Variants in TRPM7 observed in about 807,000 individuals in gnomAD.
The protein encoded by TRPM7 is transient receptor potential cation channel subfamily M member 7, also known as LTRPC ion channel family member 7.
In TRPM7, 134 loss-of-function variants were observed where a neutral mutation model predicts 229.7. That is an observed-to-expected ratio of 0.58 (90% confidence interval 0.51 to 0.67). The LOEUF (loss-of-function observed/expected upper bound fraction) is 0.67. Ranked by LOEUF, TRPM7 falls within the 30% of genes least tolerant of loss-of-function variation. The probability of loss-of-function intolerance (pLI) is 0.00; values close to 1 mark genes in which losing one functional copy is unlikely to be tolerated. For missense variants in TRPM7, 1,901 were observed against 2,210.0 expected, an observed-to-expected ratio of 0.86 and a Z score of 2.80; for synonymous variants, 699 against 715.2, an observed-to-expected ratio of 0.98 and a Z score of 0.36.
chr15:50,612,932 A>T, intron 15 of TRPM7, 103 bp from the exon 16 acceptor site: 1 of 926,848 alleles, frequency 1.1e-6, no homozygotes, highest in Non-Finnish European at 1.6e-6. Context: ...TCAGCTCCAT[A>T]AAACTGCACA....
chr15:50,682,892 T>C, intron 1 of TRPM7, among the ~76,000 whole-genome samples: 1 of 149,486 alleles, frequency 6.7e-6, no homozygotes, highest in East Asian at 2.0e-4. Context: ...TGCTTCCCGG[T>C]ACCAAACTTT....
chr15:50,594,576 C>A lies in TRPM7; in HGVS notation c.3328G>T (p.Val1110Leu). The A allele has an allele frequency of 6.2e-7, 1 of 1,608,004 alleles. No individual in the cohort carries two copies. The highest frequency in any genetic ancestry group is 8.5e-7 in the Non-Finnish European group (1 of 1,177,878). The change falls in exon 24 of 39, where the codon GTA (valine) becomes TTA (leucine). Residue 1110 changes from valine (V) to leucine (L), a missense_variant. Physicochemically the swap from Val to Leu is conservative, Grantham distance 32 (BLOSUM62 1). Coordinates refer to ENST00000646667, the MANE Select transcript of TRPM7 (RefSeq NM_017672.6). Reference sequence around the variant, plus strand: ...AAATGATAACGCTGGTACTTCCATACAATATTGGAAATTGCCTTCACTTGT... The same window carrying A: ...AAATGATAACGCTGGTACTTCCATAAAATATTGGAAATTGCCTTCACTTGT... ...YLQVKAISNI[V>L]WKYQRYHFIM...
At chr15:50,617,652 C>T (rs533531661) in intron 13 of TRPM7, among the ~76,000 whole-genome samples, 4 of 151,950 alleles carry the variant, frequency 2.6e-5, no homozygotes, top group African/African-American at 4.8e-5. Flanking sequence ...ACATTTCTAA[C>T]GTCATTCTTT....
At chr15:50,635,780 C>T (rs928582305) in intron 7 of TRPM7, among the ~76,000 whole-genome samples, 1 of 150,534 alleles carries the variant, frequency 6.6e-6, no homozygotes, top group Non-Finnish European at 1.5e-5. Context: ...AGATCAAAAG[C>T]AGCCTGGCCA....
chr15:50,598,696 C>T (rs555979562), intron 22 of TRPM7, among the ~76,000 whole-genome samples: 1 of 152,306 alleles, frequency 6.6e-6, no homozygotes, highest in East Asian at 1.9e-4. Context: ...GGGACATTTT[C>T]CTCTAAAGAG....
chr15:50,577,630 T>C (rs1222712981), intron 31 of TRPM7, among the ~76,000 whole-genome samples: 1 of 152,134 alleles, frequency 6.6e-6, no homozygotes, highest in East Asian at 1.9e-4. Context: ...CAAACTGGTA[T>C]AACCACTCTG....
In TRPM7 at chr15:50,563,353, A is replaced by G. The variant is rs568376756; in HGVS notation, c.5468-1545T>C. On this transcript the variant is annotated intron_variant, in intron 38 of 38. Transcript: ENST00000646667. ...CTATGATGAGAAGTACAGATACAAT[A>G]CAAATCCACTGGAAGGTTTTAAGCA... Among the ~76,000 whole-genome samples, 15 of 152,358 alleles carry G rather than the reference A, an allele frequency of 9.8e-5. 1 individual carries two copies. In the South Asian group the frequency reaches 2.9e-3, roughly 29 times the overall value.
In TRPM7 at chr15:50,648,631, G is replaced by A. The variant is rs116339224; in HGVS notation, c.321+56C>T. On this transcript the variant is annotated intron_variant, in intron 4 of 38. Coordinates refer to ENST00000646667, the MANE Select transcript of TRPM7 (RefSeq NM_017672.6). ...TTGTCAATATTGCTACACAAATTGT[G>A]ATGTTTATTATTTAAATAACAACAT... The A allele has an allele frequency of 8.3e-4, 1,219 of 1,466,644 alleles. 9 individuals are homozygous for A. The African/African-American group carries it at 0.015, about 18-fold the overall frequency. The allele number at this position is 1,466,644 out of a possible 1,614,324, so 90.9% of individuals were successfully genotyped here.
At chr15:50,618,281 T>C (rs2060284423) in intron 13 of TRPM7, among the ~76,000 whole-genome samples, 1 of 152,170 alleles carries the variant, frequency 6.6e-6, no homozygotes, top group Non-Finnish European at 1.5e-5. Flanking sequence ...AGATGTTTTT[T>C]ACTTTTAAAA....
chr15:50,673,192 G>A (rs1465284900), intron 1 of TRPM7, among the ~76,000 whole-genome samples: 4 of 152,014 alleles, frequency 2.6e-5, no homozygotes, highest in African/African-American at 9.7e-5. Flanking sequence ...TCACTGACTC[G>A]CCCAGAACAA....
intron 27 of TRPM7, chr15:50,588,377 A>T: frequency 6.1e-6 from 1 of 163,308 alleles, no homozygotes; most frequent in Non-Finnish European, 1.2e-5. Flanking sequence ...AGTTATCAAT[A>T]TCTAGTTAAT....
chr15:50,596,843 T>C (rs557643534), intron 22 of TRPM7, among the ~76,000 whole-genome samples: 2 of 152,244 alleles, frequency 1.3e-5, no homozygotes, highest in African/African-American at 4.8e-5. Context: ...CTCCGGCTCC[T>C]GGGTTAAAGC....
chr15:50,559,959 G>A lies in TRPM7; in HGVS notation c.*1719C>T, dbSNP rs2053247239. On this transcript the variant is annotated 3_prime_UTR_variant, in exon 39 of 39. Coordinates refer to ENST00000646667, the MANE Select transcript of TRPM7 (RefSeq NM_017672.6). ...ACCCGGAAGGCGGCGGTTGTGGTGA[G>A]CTGAGATCGCACCACTGCACTCCAG... The A allele has an allele frequency of 6.8e-6, 1 of 147,102 alleles. No homozygotes were observed. Among genetic ancestry groups the A allele is most frequent in the Admixed American group, 6.9e-5 (1 of 14,478 alleles). 9.1% of individuals were successfully genotyped at this position (147,102 alleles called of 1,614,324 possible).
chr15:50,579,526 C>T (rs1407469413), intron 30 of TRPM7, among the ~76,000 whole-genome samples: 1 of 152,208 alleles, frequency 6.6e-6, no homozygotes, highest in Admixed American at 6.5e-5. Context: ...CCAATCAGCT[C>T]CACCTTTATG....
At chr15:50,681,461 G>A (rs1196014167) in intron 1 of TRPM7, among the ~76,000 whole-genome samples, 1 of 152,130 alleles carries the variant, frequency 6.6e-6, no homozygotes, top group East Asian at 1.9e-4. Flanking sequence ...CTAATGTATA[G>A]CCCTATCTTT....
At chr15:50,579,540 A>G (rs1485880699) in intron 30 of TRPM7, among the ~76,000 whole-genome samples, 3 of 152,210 alleles carry the variant, frequency 2.0e-5, no homozygotes, top group Admixed American at 2.0e-4. Context: ...CTTTATGGGT[A>G]ATTCTCAGGG....
Position 50,650,709 on chromosome 15 carries a change from A to C in TRPM7, c.123-1824T>G, listed in dbSNP as rs568439840. ...GACTGGGTCTCAAAAAAAACAAAAA[A>C]AAACAAAAAAATCAGACCTAGACAG... On this transcript the variant is annotated intron_variant, in intron 3 of 38. Transcript: ENST00000646667. Among the ~76,000 whole-genome samples, 286 of 152,048 alleles carry C rather than the reference A, an allele frequency of 1.9e-3. 1 individual carries two copies. Among genetic ancestry groups the C allele is most frequent in the African/African-American group, 6.3e-3 (263 of 41,454 alleles).
At chr15:50,618,707 G>A (rs2060303527) in intron 13 of TRPM7, among the ~76,000 whole-genome samples, 1 of 152,004 alleles carries the variant, frequency 6.6e-6, no homozygotes, top group African/African-American at 2.4e-5. Context: ...TAGGCTTTTA[G>A]TGTACCTATT....
chr15:50,574,196 T>C (rs1322750675), intron 36 of TRPM7, 78 bp downstream of exon 36: 2 of 1,131,056 alleles, frequency 1.8e-6, no homozygotes, highest in Non-Finnish European at 2.6e-6. Flanking sequence ...ATCTATAAAT[T>C]AGCAGATTCT....
Sources: gnomAD v4.1 joint callset for allele counts (sites outside exome capture counted in the v4.1 genomes callset) on GRCh38, gnomAD v4.1.1 for gene constraint, MANE v1.5 for transcripts, NCBI Gene and HGNC (gene_info 2026-07-23, HGNC 2026-07-21) for gene names.